PDSS2: variants seen among roughly 807,000 people sequenced by gnomAD.
PDSS2 encodes the protein all trans-polyprenyl-diphosphate synthase PDSS2.
A neutral mutation model predicts 44.5 loss-of-function variants in PDSS2; 31 were observed. That is an observed-to-expected ratio of 0.70 (90% CI 0.52 to 0.94). The LOEUF is 0.94. Ranked by LOEUF, PDSS2 falls within the 40% of genes least tolerant of loss-of-function variation. The pLI is 0.00. For synonymous variants in PDSS2, 157 were observed against 180.3 expected (o/e 0.87, Z 1.03); for missense variants, 452 against 482.2 (o/e 0.94, Z 0.59).
Position 107,250,850 on chromosome 6 carries a change from T to G in PDSS2, c.631-5231A>C, listed in dbSNP as rs555000814. ...AAGGAGTGCCTATCCTAAATTAAAA[T>G]ACAAGTAAATTTTTTTTTTTTTGGA... On this transcript the variant is annotated intron_variant, in intron 3 of 7. Coordinates refer to ENST00000369037, the MANE Select transcript of PDSS2 (RefSeq NM_020381.4). Among the ~76,000 whole-genome samples the G allele has an allele frequency of 2.6e-5, 4 of 152,038 alleles. No homozygotes were observed. In the South Asian group the frequency reaches 8.3e-4, roughly 32 times the overall value.
chr6:107,439,812 C>T (rs1000059200), intron 1 of PDSS2, among the ~76,000 whole-genome samples: 1 of 151,986 alleles, frequency 6.6e-6, no homozygotes, highest in Non-Finnish European at 1.5e-5. Flanking sequence ...ATTTGGATGA[C>T]TAGTGACAAG....
At chr6:107,410,660 GT>G (rs1268725664) in intron 1 of PDSS2, among the ~76,000 whole-genome samples, 1 of 151,946 alleles carries the variant, frequency 6.6e-6, no homozygotes, top group Non-Finnish European at 1.5e-5. Context: ...TCTAATGTTT[GT>G]ATTTTTAGTA....
intron 1 of PDSS2, among the ~76,000 whole-genome samples, chr6:107,400,672 T>A (rs1780079409): frequency 6.6e-6 from 1 of 152,170 alleles, no homozygotes; most frequent in African/African-American, 2.4e-5. Context: ...AAGCAGTCCC[T>A]TTTTCCCCAT....
chr6:107,438,211 T>C (rs1439541643), intron 1 of PDSS2, among the ~76,000 whole-genome samples: 2 of 152,070 alleles, frequency 1.3e-5, no homozygotes, highest in Non-Finnish European at 2.9e-5. Context: ...GTTTTTATTT[T>C]TTATTTTTAT....
intron 1 of PDSS2, among the ~76,000 whole-genome samples, chr6:107,438,778 A>G (rs1268869920): frequency 6.6e-6 from 1 of 152,226 alleles, no homozygotes; most frequent in African/African-American, 2.4e-5. Context: ...GCTAACATTA[A>G]TTCTTAGGAA....
chr6:107,351,714 T>A (rs1778439662), intron 1 of PDSS2, among the ~76,000 whole-genome samples: 1 of 152,318 alleles, frequency 6.6e-6, no homozygotes, highest in South Asian at 2.1e-4. Flanking sequence ...AATTTCAGTG[T>A]AATTATTTTA....
intron 3 of PDSS2, among the ~76,000 whole-genome samples, chr6:107,269,143 A>C (rs1228806600): frequency 1.3e-5 from 2 of 151,916 alleles, no homozygotes; most frequent in Admixed American, 6.6e-5. Flanking sequence ...GCTGGTCTCG[A>C]ACTCCCGACC....
chr6:107,332,945 A>G (rs1021769067), intron 2 of PDSS2, among the ~76,000 whole-genome samples: 8 of 152,178 alleles, frequency 5.3e-5, no homozygotes, highest in Admixed American at 4.6e-4. Flanking sequence ...TGGCTGGAGG[A>G]ATGGGCATTT....
intron 1 of PDSS2, among the ~76,000 whole-genome samples, chr6:107,341,263 C>T (rs1444643339): frequency 6.6e-6 from 1 of 151,934 alleles, no homozygotes; most frequent in Non-Finnish European, 1.5e-5. Context: ...ATGAAGGAGA[C>T]ATTGGGGAGG....
chr6:107,336,901 G>T (rs1777918705), intron 1 of PDSS2, among the ~76,000 whole-genome samples: 1 of 141,012 alleles, frequency 7.1e-6, no homozygotes, highest in South Asian at 2.3e-4. Context: ...GGCCTGGTCA[G>T]GGATTAAGGA....
At chr6:107,278,819 A>C (rs931996497) in intron 2 of PDSS2, among the ~76,000 whole-genome samples, 1 of 152,216 alleles carries the variant, frequency 6.6e-6, no homozygotes, top group African/African-American at 2.4e-5. Context: ...TATATTATCT[A>C]CTTGTGATTC....
At chr6:107,205,278 C>T (rs1240830071) in intron 6 of PDSS2, among the ~76,000 whole-genome samples, 1 of 152,038 alleles carries the variant, frequency 6.6e-6, no homozygotes, top group Non-Finnish European at 1.5e-5. Context: ...TGTCACAAGC[C>T]CAAGTGACAT....
chr6:107,230,110 G>A (rs1773989642), intron 4 of PDSS2: 1 of 158,426 alleles, frequency 6.3e-6, no homozygotes, highest in South Asian at 1.7e-4. Flanking sequence ...CAGTCAGGGA[G>A]ACTGCAAAGG....
chr6:107,295,077 G>A (rs1307323220), intron 2 of PDSS2, among the ~76,000 whole-genome samples: 4 of 152,026 alleles, frequency 2.6e-5, no homozygotes, highest in South Asian at 2.1e-4. Context: ...GATTACAGGC[G>A]CACGCCACCA....
intron 1 of PDSS2, among the ~76,000 whole-genome samples, chr6:107,348,380 T>A (rs1778321357): frequency 6.6e-6 from 1 of 152,200 alleles, no homozygotes; most frequent in Admixed American, 6.5e-5. Context: ...GCTACCTTAG[T>A]TACTAAGTTA....
Position 107,197,441 on chromosome 6 carries a change from C to T in PDSS2, c.1009-3587G>A, listed in dbSNP as rs574005794. On this transcript the variant is annotated intron_variant, in intron 6 of 7. Coordinates refer to ENST00000369037, the MANE Select transcript of PDSS2 (RefSeq NM_020381.4). ...GCTATGATTGTGCCTGTGAATATCACTTCACTCCAGCCTAGGCAACAAAGT... is the reference window on the plus strand; with the variant it reads ...GCTATGATTGTGCCTGTGAATATCATTTCACTCCAGCCTAGGCAACAAAGT... Among the ~76,000 whole-genome samples the T allele has an allele frequency of 4.4e-5, 6 of 136,906 alleles. No individual in the cohort carries two copies. The East Asian group carries it at 1.1e-3, about 25-fold the overall frequency. 89.8% of individuals were successfully genotyped at this position (136,906 alleles called of 152,430 possible). A position where few individuals can be genotyped will look rare whatever the true frequency, so the allele number is the denominator to read the frequency against.
chr6:107,198,542 T>C (rs1464270585), intron 6 of PDSS2, among the ~76,000 whole-genome samples: 1 of 152,216 alleles, frequency 6.6e-6, no homozygotes. Context: ...TAAACTTCTA[T>C]AGGTATATAA....
rs1360606025 is a variant in PDSS2 at position 107,193,847 on chromosome 6, T to C, written c.1016A>G (p.Glu339Gly). ...CTTAGCATAGTCCAATCTTCCTTTT[T>C]CTTGAGCCTACAAAAGAAGAGGGGA... is the stretch of plus-strand genomic sequence containing the variant. ...LWIKQIGEAQ[E>G]KGRLDYAKLR... is the part of the protein sequence containing the mutation. Residue 339 changes from glutamate (E) to glycine (G), a missense_variant, in exon 7 of 8, where the codon GAA becomes GGA. Glu to Gly is a moderately conservative substitution (Grantham distance 98). Transcript: ENST00000369037. The C allele has an allele frequency of 7.0e-6, 11 of 1,569,326 alleles. No individual in the cohort carries two copies. Among genetic ancestry groups the C allele is most frequent in the Non-Finnish European group, 9.7e-6 (11 of 1,139,224 alleles).
At chr6:107,230,494 A>AC (rs1582820386) in intron 4 of PDSS2, among the ~76,000 whole-genome samples, 1 of 152,054 alleles carries the variant, frequency 6.6e-6, no homozygotes, top group African/African-American at 2.4e-5. Context: ...TGATAAAGGT[A>AC]CCCCCAAACT....
Sources: gnomAD v4.1 joint callset for allele counts (sites outside exome capture counted in the v4.1 genomes callset) on GRCh38, gnomAD v4.1.1 for gene constraint, MANE v1.5 for transcripts, NCBI Gene and HGNC (gene_info 2026-07-23, HGNC 2026-07-21) for gene names.